Variants in BRI3BP observed in about 807,000 individuals in gnomAD.
The protein encoded by BRI3BP is BRI3 binding protein.
A neutral mutation model predicts 15.8 loss-of-function variants in BRI3BP; 7 were observed. The ratio of observed to expected loss-of-function variants is 0.44; its 90% confidence interval spans 0.25 to 0.83. BRI3BP has a LOEUF of 0.83. Among genes scored for constraint, BRI3BP ranks in the 40% least tolerant of loss-of-function variants. The probability of loss-of-function intolerance (pLI) is 0.20; values close to 1 mark genes in which losing one functional copy is unlikely to be tolerated. For missense variants in BRI3BP, 320 were observed against 339.3 expected (o/e 0.94, Z 0.45); for synonymous variants, 192 against 163.5 (o/e 1.17, Z -1.33).
At chr12:125,022,176 CCT>C (rs760386170) in intron 2 of BRI3BP, among the ~76,000 whole-genome samples, 32 of 151,692 alleles carry the variant, frequency 2.1e-4, no homozygotes, top group Non-Finnish European at 2.6e-4. Context: ...AACCTGTTTT[CCT>C]AAGCCCTCCA....
At chr12:125,012,420 C>G in intron 1 of BRI3BP, 114 bp from the exon 2 acceptor site, 1 of 812,364 alleles carries the variant, frequency 1.2e-6, no homozygotes, top group Admixed American at 1.8e-5. Flanking sequence ...TGGTATTCAT[C>G]ATGGGCTCAC....
the BRI3BP span, among the ~76,000 whole-genome samples, chr12:125,039,848 A>G: frequency 2.6e-5 from 4 of 152,212 alleles, no homozygotes; most frequent in Admixed American, 6.5e-5. Context: ...ATGAATGTAC[A>G]ATGGAATTTT....
intron 1 of BRI3BP, among the ~76,000 whole-genome samples, chr12:124,994,534 C>G (rs754027076): frequency 2.5e-4 from 38 of 152,132 alleles, no homozygotes; most frequent in Admixed American, 7.2e-4. Context: ...GCGATTTGCT[C>G]GGTGGCTTTG....
In BRI3BP at chr12:125,025,075, T is replaced by C. The variant is rs376918195; in HGVS notation, c.401T>C (p.Leu134Pro). The C allele has an allele frequency of 6.2e-7, 1 of 1,613,652 alleles. No homozygotes were observed. The highest frequency in any genetic ancestry group is 8.5e-7 in the Non-Finnish European group (1 of 1,180,026). Residue 134 changes from leucine to proline, a missense_variant, in exon 3 of 3, where the codon CTG becomes CCG. Leu to Pro is a moderately conservative substitution (Grantham distance 98). Coordinates refer to ENST00000341446, the MANE Select transcript of BRI3BP (RefSeq NM_080626.6). ...CTCCTGCTGGTCGGCGTCGTCCTCC[T>C]GGCCTACTGGTTCTTGTCCCTGACC... is the stretch of plus-strand genomic sequence containing the variant. ...RALLLVGVVL[L>P]AYWFLSLTLG...
chr12:125,022,541 A>ATTTATTTATTTTTTTTTTT, intron 2 of BRI3BP, among the ~76,000 whole-genome samples: 2,754 of 139,190 alleles, frequency 0.02, 37 homozygotes, highest in East Asian at 0.056. Flanking sequence ...TTATTTATTT[A>ATTTATTTATTTTTTTTTTT]TTTTTTGAGA....
the BRI3BP span, among the ~76,000 whole-genome samples, chr12:125,041,475 A>G: frequency 6.6e-6 from 1 of 152,114 alleles, no homozygotes; most frequent in Non-Finnish European, 1.5e-5. Context: ...ACAGAAACAA[A>G]AGCTCTTGGG....
In BRI3BP at chr12:125,028,413, A is replaced by T. The variant is rs576147861; in HGVS notation, c.*2983A>T. ...AGATCATCATTTTAACTTGTATTCA[A>T]CTGAGGGAGGTAACATGATATCTGG... On this transcript the variant is annotated 3_prime_UTR_variant, in exon 3 of 3. Transcript: ENST00000341446. The T allele has an allele frequency of 6.6e-6, 1 of 152,176 alleles. No homozygotes were observed. Among genetic ancestry groups the T allele is most frequent in the African/African-American group, 2.4e-5 (1 of 41,452 alleles). The allele number at this position is 152,176 out of a possible 1,614,324, so 9.4% of individuals were successfully genotyped here. A position where few individuals can be genotyped will look rare whatever the true frequency, so the allele number is the denominator to read the frequency against.
At chr12:125,050,919 C>T in the BRI3BP span, among the ~76,000 whole-genome samples, 2 of 152,222 alleles carry the variant, frequency 1.3e-5, no homozygotes, top group African/African-American at 4.8e-5. Flanking sequence ...CCTCCCTTCA[C>T]CGTATGTGCC....
chr12:125,022,374 T>C (rs1025997080), intron 2 of BRI3BP, among the ~76,000 whole-genome samples: 16 of 152,276 alleles, frequency 1.1e-4, no homozygotes, highest in Admixed American at 7.2e-4. Context: ...TAAAATGTCA[T>C]GGGTCTCTTC....
chr12:125,013,610 C>T (rs1955215452), intron 2 of BRI3BP, among the ~76,000 whole-genome samples: 1 of 152,190 alleles, frequency 6.6e-6, no homozygotes, highest in South Asian at 2.1e-4. Context: ...TAATGCGGTT[C>T]TTAGCTCTCC....
At chr12:125,039,467 G>A in the BRI3BP span, among the ~76,000 whole-genome samples, 1 of 152,112 alleles carries the variant, frequency 6.6e-6, no homozygotes, top group Non-Finnish European at 1.5e-5. Flanking sequence ...TTAGGAGCTC[G>A]TACCAGGCAG....
At chr12:125,049,704 A>C in the BRI3BP span, among the ~76,000 whole-genome samples, 8 of 152,148 alleles carry the variant, frequency 5.3e-5, no homozygotes, top group East Asian at 1.9e-4. Context: ...CGGCCTATGA[A>C]CCGGAACGCG....
At position 125,017,638 on chromosome 12, in the gene BRI3BP, A is replaced by G. The variant is rs1413702716; in HGVS notation, c.316+5002A>G. 3.3e-5 allele frequency among the ~76,000 whole-genome samples: 5 copies of G among 152,296 alleles called. 1 individual carries two copies. The highest frequency in any genetic ancestry group is 3.9e-4 in the East Asian group (2 of 5,184). ...ACATTTCAAGGGCTCAGCACACGATAGATGGCACAGCCTTTGTCCCCATTC... is the reference window on the plus strand; with the variant it reads ...ACATTTCAAGGGCTCAGCACACGATGGATGGCACAGCCTTTGTCCCCATTC... On this transcript the variant is annotated intron_variant, in intron 2 of 2. Transcript: ENST00000341446.
Position 125,025,173 on chromosome 12 carries a change from T to A in BRI3BP, c.499T>A (p.Ser167Thr). ...CTGGATCGTGCGGGTCGTCCTGTTT[T>A]CCATGTCCTGCGTGTACATCCTGCA... ...FFWIVRVVLFSMSCVYILHKY... is the reference protein window; with the variant it reads ...FFWIVRVVLFTMSCVYILHKY... Residue 167 changes from serine to threonine, a missense_variant, in exon 3 of 3, where the codon TCC (serine) becomes ACC (threonine). Physicochemically the swap from Ser to Thr is moderately conservative, Grantham distance 58. Transcript: ENST00000341446. The A allele has an allele frequency of 6.2e-7, 1 of 1,614,168 alleles. No individual in the cohort carries two copies. The highest frequency in any genetic ancestry group is 8.5e-7 in the Non-Finnish European group (1 of 1,180,030).
rs1387788858 is a variant in BRI3BP at position 125,026,680 on chromosome 12, A to C, written c.*1250A>C. The C allele has an allele frequency of 6.6e-6, 1 of 152,178 alleles. No individual in the cohort carries two copies. Among genetic ancestry groups the C allele is most frequent in the African/African-American group, 2.4e-5 (1 of 41,418 alleles). The allele number at this position is 152,178 out of a possible 1,614,324, so 9.4% of individuals were successfully genotyped here. On this transcript the variant is annotated 3_prime_UTR_variant, in exon 3 of 3. Coordinates refer to ENST00000341446, the MANE Select transcript of BRI3BP (RefSeq NM_080626.6). ...AAAAAGAAAGCCCTAGGCCAGGCGC[A>C]GTGGCTGATGCCTGTAATCCCAGCG...
chr12:125,021,200 C>G (rs1159772865), intron 2 of BRI3BP, among the ~76,000 whole-genome samples: 2 of 152,132 alleles, frequency 1.3e-5, no homozygotes, highest in Admixed American at 1.3e-4. Context: ...TCCTGGTGAC[C>G]CCAAGCCTTT....
chr12:125,025,574 C>A lies in BRI3BP; in HGVS notation c.*144C>A. On this transcript the variant is annotated 3_prime_UTR_variant, in exon 3 of 3. Transcript: ENST00000341446. ...CGCTGTGTAGGGCTATTTCCACCCACCCGGCAGCTCTTAGGACACATTCCC... is the reference window on the plus strand; with the variant it reads ...CGCTGTGTAGGGCTATTTCCACCCAACCGGCAGCTCTTAGGACACATTCCC... 1.2e-6 allele frequency: 1 copy of A among 811,400 alleles called. No individual in the cohort carries two copies. Among genetic ancestry groups the A allele is most frequent in the Non-Finnish European group, 1.9e-6 (1 of 536,192 alleles). The allele number at this position is 811,400 out of a possible 1,614,324, so 50.3% of individuals were successfully genotyped here.
At chr12:125,013,434 G>A (rs894555161) in intron 2 of BRI3BP, among the ~76,000 whole-genome samples, 2 of 152,178 alleles carry the variant, frequency 1.3e-5, no homozygotes, top group Non-Finnish European at 1.5e-5. Flanking sequence ...CACTGCTGCC[G>A]CCACAACAAC....
chr12:125,019,322 A>G (rs1211176633), intron 2 of BRI3BP, among the ~76,000 whole-genome samples: 5 of 151,968 alleles, frequency 3.3e-5, no homozygotes, highest in Non-Finnish European at 5.9e-5. Flanking sequence ...GACAGCTTTC[A>G]CTGAAGTCAC....
Sources: allele counts gnomAD v4.1 joint callset (sites outside exome capture counted in the v4.1 genomes callset), GRCh38; gene constraint gnomAD v4.1.1; transcripts MANE v1.5; gene names NCBI Gene and HGNC (gene_info 2026-07-23, HGNC 2026-07-21).